The following RARB variants were observed in gnomAD, a reference collection of about 807,000 sequenced individuals.
The protein encoded by RARB is retinoic acid receptor beta, also known as HBV-activated protein.
RARB carries 17 observed loss-of-function variants against 51.9 expected under a neutral mutation model. The observed-to-expected ratio is 0.33, with a 90% confidence interval of 0.22 to 0.49. The LOEUF (loss-of-function observed/expected upper bound fraction) is 0.49. Among genes scored for constraint, RARB ranks in the 20% least tolerant of loss-of-function variants. The pLI is 0.99. For missense variants in RARB, 369 were observed against 550.8 expected (o/e 0.67, Z 3.30); for synonymous variants, 215 against 195.4 (o/e 1.10, Z -0.84).
intron 3 of RARB, among the ~76,000 whole-genome samples, chr3:25,062,293 C>A (rs1669551082): frequency 6.6e-6 from 1 of 151,776 alleles, no homozygotes; most frequent in African/African-American, 2.4e-5. Context: ...TTGTGTTTTG[C>A]CTTTTATTGA....
chr3:25,558,392 G>C (rs190241763), intron 3 of RARB, among the ~76,000 whole-genome samples: 1 of 152,262 alleles, frequency 6.6e-6, no homozygotes, highest in African/African-American at 2.4e-5. Context: ...CCAGGCTGCT[G>C]CTGCTTCAAA....
rs185349635 is a variant in RARB, at chr3:25,458,522, T to C, written c.158-2671T>C. Reference sequence around the variant, plus strand: ...AAGCTGATTAGTTCCGTGTGAAGAATGCTTTTGCATCTACTGCTTGATAGC... The same window carrying C: ...AAGCTGATTAGTTCCGTGTGAAGAACGCTTTTGCATCTACTGCTTGATAGC... On this transcript the variant is annotated intron_variant, in intron 1 of 7. Coordinates refer to ENST00000330688, the MANE Select transcript of RARB (RefSeq NM_000965.5). 12 of 152,332 alleles carry C rather than the reference T, an allele frequency of 7.9e-5. No individual in the cohort carries two copies. The East Asian group carries it at 2.1e-3, about 27-fold the overall frequency. The allele number at this position is 152,332 out of a possible 1,614,324, so 9.4% of individuals were successfully genotyped here.
intron 2 of RARB, among the ~76,000 whole-genome samples, chr3:25,036,997 T>C (rs1301438069): frequency 3.3e-5 from 5 of 152,356 alleles, no homozygotes; most frequent in Middle Eastern, 3.4e-3. Flanking sequence ...GTGATGGTTT[T>C]ATTTCCCTCC....
intron 5 of RARB, among the ~76,000 whole-genome samples, chr3:25,349,230 A>G (rs939702181): frequency 6.6e-6 from 1 of 152,184 alleles, no homozygotes; most frequent in Non-Finnish European, 1.5e-5. Context: ...TGCCCTCAGC[A>G]TGTTTCCCCA....
chr3:25,205,126 G>A (rs896976368), intron 5 of RARB, among the ~76,000 whole-genome samples: 8 of 152,210 alleles, frequency 5.3e-5, no homozygotes, highest in South Asian at 4.1e-4. Flanking sequence ...CAGCAATGGC[G>A]GGTGCCCCTC....
At chr3:25,433,022 A>G (rs1708269976) in intron 1 of RARB, among the ~76,000 whole-genome samples, 1 of 152,210 alleles carries the variant, frequency 6.6e-6, no homozygotes, top group South Asian at 2.1e-4. Context: ...ACATTTTTAT[A>G]CTTTAAATGT....
At chr3:24,963,541 C>A (rs1696186269) in intron 2 of RARB, among the ~76,000 whole-genome samples, 4 of 150,964 alleles carry the variant, frequency 2.6e-5, no homozygotes, top group Admixed American at 2.0e-4. Context: ...TGCTTAATAA[C>A]CCAAATTCAG....
chr3:25,204,058 G>A (rs144662966), intron 5 of RARB, among the ~76,000 whole-genome samples: 15,057 of 152,010 alleles, frequency 0.099, 984 homozygotes, highest in South Asian at 0.25. Context: ...CATCACTTTC[G>A]GGTACACCAA....
At chr3:24,872,879 C>A (rs1198540113) in intron 2 of RARB, among the ~76,000 whole-genome samples, 1 of 152,192 alleles carries the variant, frequency 6.6e-6, no homozygotes. Context: ...ATCCCTTACT[C>A]ATCCCTGCGC....
chr3:25,542,286 C>CA (rs1699415848), intron 3 of RARB, among the ~76,000 whole-genome samples: 1 of 152,150 alleles, frequency 6.6e-6, no homozygotes, highest in Non-Finnish European at 1.5e-5. Context: ...ATAAAGTATA[C>CA]AAAAAATCTT....
chr3:25,068,526 C>G (rs926482843), intron 3 of RARB, among the ~76,000 whole-genome samples: 5 of 152,174 alleles, frequency 3.3e-5, no homozygotes, highest in African/African-American at 1.2e-4. Flanking sequence ...TTCTGTGAGT[C>G]TGGTAACTAC....
intron 4 of RARB, among the ~76,000 whole-genome samples, chr3:25,580,320 G>A (rs1311738684): frequency 6.6e-6 from 1 of 152,230 alleles, no homozygotes; most frequent in Admixed American, 6.5e-5. Context: ...GTTGCAGTGA[G>A]CTGAGATCGT....
intron 2 of RARB, among the ~76,000 whole-genome samples, chr3:25,054,745 T>C (rs966624868): frequency 6.6e-6 from 1 of 152,128 alleles, no homozygotes; most frequent in Non-Finnish European, 1.5e-5. Flanking sequence ...CCTAGCTGTT[T>C]TGCCAAAGGC....
intron 5 of RARB, among the ~76,000 whole-genome samples, chr3:25,418,544 C>T (rs567370208): frequency 3.9e-5 from 6 of 152,170 alleles, no homozygotes; most frequent in African/African-American, 1.4e-4. Context: ...TCCAGGGCTT[C>T]TTCACTCCAG....
At chr3:25,274,964 A>C (rs1276517344) in intron 5 of RARB, among the ~76,000 whole-genome samples, 1 of 152,194 alleles carries the variant, frequency 6.6e-6, no homozygotes, top group Admixed American at 6.5e-5. Context: ...GTGAGCCAGT[A>C]ATCAACTGTT....
At chr3:25,592,032 C>G (rs1016098540) in intron 5 of RARB, among the ~76,000 whole-genome samples, 7 of 152,234 alleles carry the variant, frequency 4.6e-5, no homozygotes, top group African/African-American at 1.4e-4. Context: ...GGGAAGTGTC[C>G]TGGTCCCAAA....
intron 5 of RARB, among the ~76,000 whole-genome samples, chr3:25,421,031 G>C (rs80336414): frequency 6.9e-6 from 1 of 145,294 alleles, no homozygotes; most frequent in East Asian, 2.1e-4. Flanking sequence ...GATCTATTAT[G>C]ATCTATTTCC....
chr3:24,878,562 G>A (rs1032120647), intron 2 of RARB, among the ~76,000 whole-genome samples: 1 of 152,078 alleles, frequency 6.6e-6, no homozygotes, highest in African/African-American at 2.4e-5. Flanking sequence ...TTGACATTTG[G>A]GGACAGGTAA....
chr3:25,130,916 TATCAATATTTATC>T (rs1559477499), intron 3 of RARB, among the ~76,000 whole-genome samples: 313 of 21,500 alleles, frequency 0.015, 1 homozygote, highest in Middle Eastern at 0.036. Flanking sequence ...TTGATAATAT[TATCAATATTTATC>T]ATTGATAATA....
Sources: gnomAD v4.1 joint callset for allele counts (sites outside exome capture counted in the v4.1 genomes callset) on GRCh38, gnomAD v4.1.1 for gene constraint, MANE v1.5 for transcripts, NCBI Gene and HGNC (gene_info 2026-07-23, HGNC 2026-07-21) for gene names.